Variants in TXNDC11 observed in about 807,000 individuals in gnomAD.
The protein encoded by TXNDC11 is thioredoxin domain containing 11.
In TXNDC11, 68 loss-of-function variants were observed where a neutral mutation model predicts 78.0. The ratio of observed to expected loss-of-function variants is 0.87; its 90% CI spans 0.72 to 1.07. TXNDC11 has a LOEUF of 1.07. Among genes scored for constraint, TXNDC11 ranks in the 50% least tolerant of loss-of-function variants. TXNDC11 has a pLI of 0.00. For synonymous variants in TXNDC11, 571 were observed against 495.2 expected (o/e 1.15, Z -2.03); for missense variants, 1,389 against 1,221.8 (o/e 1.14, Z -2.04).
In TXNDC11 at chr16:11,694,735, G is replaced by A. The variant is rs142033041; in HGVS notation, c.1108-2653C>T. 6.5e-3 allele frequency among the ~76,000 whole-genome samples: 988 copies of A among 152,348 alleles called. 17 individuals carry two copies. The highest frequency in any genetic ancestry group is 0.023 in the African/African-American group (940 of 41,586). On this transcript the variant is annotated intron_variant, in intron 7 of 11. Coordinates refer to ENST00000283033, the MANE Select transcript of TXNDC11 (RefSeq NM_015914.7). ...CCCAAAGTGCTGGGATTACAGGCGT[G>A]AGCCACTGCGCCCAGCCAGCAATGC... is the stretch of plus-strand genomic sequence containing the variant.
chr16:11,680,239 A>G (rs374521166), intron 11 of TXNDC11, among the ~76,000 whole-genome samples: 4 of 151,248 alleles, frequency 2.6e-5, no homozygotes, highest in East Asian at 3.9e-4. Context: ...TGTCCCACCT[A>G]TGTCCCTCTT....
At position 11,691,500 on chromosome 16, in the gene TXNDC11, T is replaced by C. The variant is rs1337242445; in HGVS notation, c.1690A>G (p.Met564Val). 1.9e-6 allele frequency: 3 copies of C among 1,614,100 alleles called. No individual in the cohort carries two copies. Among genetic ancestry groups the C allele is most frequent in the East Asian group, 2.2e-5 (1 of 44,902 alleles). The stretch of plus-strand genomic sequence containing the variant: ...AGGCCTGTGAAGTTTGTGCTAGTCA[T>C]GTCCACTTCTGGAAAGAGATACCTG... Reference protein sequence around the residue: ...ENRYLFPEVDMTSTNFTGLSC... With the variant: ...ENRYLFPEVDVTSTNFTGLSC... Residue 564 changes from methionine (M) to valine (V), a missense_variant, in exon 8 of 12, where the codon ATG (methionine) becomes GTG (valine). Met to Val is a conservative substitution (Grantham distance 21, BLOSUM62 1). Coordinates refer to ENST00000283033, the MANE Select transcript of TXNDC11 (RefSeq NM_015914.7).
In TXNDC11 at chr16:11,735,897, C is replaced by G; in HGVS notation, c.471+120G>C. 3.5e-6 allele frequency: 3 copies of G among 861,934 alleles called. No homozygotes were observed. In the East Asian group the frequency reaches 7.6e-5, roughly 22 times the overall value. 53.4% of individuals were successfully genotyped at this position (861,934 alleles called of 1,614,324 possible). On this transcript the variant is annotated intron_variant, in intron 2 of 11. Transcript: ENST00000283033. ...TATAGAAAGCTCTGTAACTTAGAAACGACTCCTGGAGTTCACCTTGGCAAA... is the reference window on the plus strand; with the variant it reads ...TATAGAAAGCTCTGTAACTTAGAAAGGACTCCTGGAGTTCACCTTGGCAAA...
intron 2 of TXNDC11, among the ~76,000 whole-genome samples, chr16:11,735,417 T>C (rs767896817): frequency 1.3e-5 from 2 of 152,324 alleles, no homozygotes; most frequent in Middle Eastern, 3.4e-3. Context: ...ATTTTGAAAT[T>C]ACATGTATAG....
chr16:11,733,915 A>C, intron 3 of TXNDC11, 67 bp downstream of exon 3: 1 of 1,182,822 alleles, frequency 8.5e-7, no homozygotes, highest in Non-Finnish European at 1.2e-6. Flanking sequence ...TATAGAAAAA[A>C]TGCAAAATTC....
At chr16:11,718,232 G>A (rs975664335) in intron 5 of TXNDC11, among the ~76,000 whole-genome samples, 1 of 151,970 alleles carries the variant, frequency 6.6e-6, no homozygotes, top group African/African-American at 2.4e-5. Flanking sequence ...AAAAACAAAT[G>A]TAGAACTTTG....
intron 7 of TXNDC11, among the ~76,000 whole-genome samples, chr16:11,697,488 T>C (rs2141024707): frequency 6.6e-6 from 1 of 152,340 alleles, no homozygotes; most frequent in Admixed American, 6.5e-5. Context: ...GTGCCTGCTG[T>C]CTCTGAGCGC....
rs754811425 is a variant in TXNDC11, at chr16:11,684,199, G to A, written c.2200C>T (p.Arg734Cys). ...NDLPWEFMVD[R>C]LPTVLFFPCN... is the part of the protein sequence containing the mutation. ...GGAAAAAACAAGACAGTAGGAAGAC[G>A]ATCGACCATAAATTCCCAAGGAAGG... The change falls in exon 11 of 12, where the codon CGT becomes TGT. Residue 734 changes from arginine to cysteine, a missense_variant. Arg to Cys is a radical substitution (Grantham distance 180). Transcript: ENST00000283033. The A allele has an allele frequency of 8.1e-6, 13 of 1,613,710 alleles. No homozygotes were observed. The highest frequency in any genetic ancestry group is 2.2e-5 in the East Asian group (1 of 44,888).
intron 5 of TXNDC11, chr16:11,703,580 T>C: frequency 1.5e-6 from 1 of 653,174 alleles, no homozygotes; most frequent in South Asian, 1.6e-5. Flanking sequence ...GAAATACAGA[T>C]ATATGCACAT....
chr16:11,690,091 T>C (rs941689063), intron 8 of TXNDC11: 30 of 152,248 alleles, frequency 2.0e-4, no homozygotes, highest in Non-Finnish European at 3.1e-4. Context: ...GAGTCTACTG[T>C]TGAGTTCATA....
chr16:11,726,123 T>G (rs576249050), intron 4 of TXNDC11, among the ~76,000 whole-genome samples: 1 of 152,178 alleles, frequency 6.6e-6, no homozygotes, highest in South Asian at 2.1e-4. Flanking sequence ...CCAGCAATCC[T>G]CCACCTTGGC....
At chr16:11,709,458 G>A (rs1217403977) in intron 5 of TXNDC11, among the ~76,000 whole-genome samples, 14 of 114,722 alleles carry the variant, frequency 1.2e-4, no homozygotes, top group African/African-American at 4.1e-4. Flanking sequence ...TTTTTGAGAC[G>A]GAGTCTCGCT....
intron 4 of TXNDC11, 27 bp downstream of exon 4, chr16:11,730,618 G>C (rs777876411): frequency 2.6e-5 from 42 of 1,609,552 alleles, no homozygotes; most frequent in Non-Finnish European, 3.6e-5. Context: ...CCTTGAGTAT[G>C]GAGGAGGAGA....
intron 8 of TXNDC11, among the ~76,000 whole-genome samples, chr16:11,689,348 C>A (rs2050649488): frequency 6.6e-6 from 1 of 152,168 alleles, no homozygotes; most frequent in Non-Finnish European, 1.5e-5. Flanking sequence ...TGAAGAATGT[C>A]ATGTGAATAC....
chr16:11,704,137 G>T (rs548352783), intron 5 of TXNDC11, among the ~76,000 whole-genome samples: 91 of 152,214 alleles, frequency 6.0e-4, no homozygotes, highest in African/African-American at 2.1e-3. Flanking sequence ...AAGGATGGGG[G>T]TTTGTCCAAA....
At chr16:11,687,800 C>CTT in intron 10 of TXNDC11, 57 bp downstream of exon 10, 1 of 1,202,308 alleles carries the variant, frequency 8.3e-7, no homozygotes, top group South Asian at 1.3e-5. Context: ...GGCTAAGCTG[C>CTT]AAATAAGAGT....
intron 5 of TXNDC11, among the ~76,000 whole-genome samples, chr16:11,713,291 AAAAAG>A (rs1287375504): frequency 6.6e-6 from 1 of 151,972 alleles, no homozygotes; most frequent in Non-Finnish European, 1.5e-5. Context: ...AAAAAAAAAA[AAAAAG>A]AAAAGAAATC....
chr16:11,703,427 A>T lies in TXNDC11; in HGVS notation c.794-2863T>A, dbSNP rs899843169. 7.2e-5 allele frequency among the ~76,000 whole-genome samples: 11 copies of T among 152,162 alleles called. No individual in the cohort carries two copies. The East Asian group carries it at 2.1e-3, about 29-fold the overall frequency. On this transcript the variant is annotated intron_variant, in intron 5 of 11. Coordinates refer to ENST00000283033, the MANE Select transcript of TXNDC11 (RefSeq NM_015914.7). The stretch of plus-strand genomic sequence containing the variant: ...TCTCACTGTTGCAGTAAGAAGTTAT[A>T]TATTAATAAGAGAAGGCTAAAATAA...
At chr16:11,692,152 T>C (rs2050740239) in intron 7 of TXNDC11, 70 bp from the exon 8 acceptor site, 3 of 1,256,304 alleles carry the variant, frequency 2.4e-6, no homozygotes, top group Non-Finnish European at 2.2e-6. Flanking sequence ...TTAGCCACGT[T>C]TCACTTTCTG....
Sources: gnomAD v4.1 joint callset for allele counts (sites outside exome capture counted in the v4.1 genomes callset) on GRCh38, gnomAD v4.1.1 for gene constraint, MANE v1.5 for transcripts, NCBI Gene and HGNC (gene_info 2026-07-23, HGNC 2026-07-21) for gene names.